The following RBFOX1 variants were observed in gnomAD, a reference collection of about 807,000 sequenced individuals.
The protein encoded by RBFOX1 is RNA binding protein fox-1 homolog 1.
Under a neutral mutation model 57.7 loss-of-function variants are expected in RBFOX1, and 8 were observed. That is an observed-to-expected ratio of 0.14 (90% CI 0.08 to 0.25). RBFOX1 has a LOEUF of 0.25. RBFOX1 is among the 10% of genes least tolerant of loss of function. The pLI is 1.00. For synonymous variants in RBFOX1, 326 were observed against 222.4 expected (o/e 1.47, Z -4.15); for missense variants, 611 against 548.5 (o/e 1.11, Z -1.14).
intron 3 of RBFOX1, among the ~76,000 whole-genome samples, chr16:6,681,318 G>GAA (rs112061600): frequency 2.6e-5 from 4 of 151,222 alleles, no homozygotes; most frequent in Admixed American, 1.3e-4. Flanking sequence ...AGCCTGTCTG[G>GAA]AAAAAAAACA....
chr16:6,770,791 C>G (rs1272753256), intron 3 of RBFOX1, among the ~76,000 whole-genome samples: 1 of 152,116 alleles, frequency 6.6e-6, no homozygotes, highest in East Asian at 1.9e-4. Flanking sequence ...AAGGAAGTTA[C>G]TCTTTATATG....
intron 3 of RBFOX1, among the ~76,000 whole-genome samples, chr16:6,743,081 C>G (rs1269187052): frequency 2.0e-5 from 3 of 152,128 alleles, no homozygotes; most frequent in African/African-American, 4.8e-5. Context: ...AGTGTCTTTA[C>G]AACTGTCTGT....
At chr16:7,210,470 T>G (rs947082627) in intron 4 of RBFOX1, among the ~76,000 whole-genome samples, 8 of 152,118 alleles carry the variant, frequency 5.3e-5, no homozygotes, top group East Asian at 3.9e-4. Flanking sequence ...CTACTTTACT[T>G]AAAGACAATC....
At chr16:7,348,348 C>G (rs935322821) in intron 4 of RBFOX1, among the ~76,000 whole-genome samples, 5 of 152,126 alleles carry the variant, frequency 3.3e-5, no homozygotes, top group Non-Finnish European at 4.4e-5. Context: ...GTAAAACTTG[C>G]AAGCAGCTGG....
chr16:5,993,425 G>A lies in RBFOX1; in HGVS notation c.351+126090G>A, dbSNP rs111798572. 1.1e-3 allele frequency among the ~76,000 whole-genome samples: 164 copies of A among 151,738 alleles called. 1 individual carries two copies. Among genetic ancestry groups the A allele is most frequent in the African/African-American group, 3.9e-3 (163 of 41,354 alleles). Reference sequence around the variant, plus strand: ...AGAGAGAGAGAGAGAGAGAGAAGGAGACAGAGAGAGACAGAGACTTTCAAG... The same window carrying A: ...AGAGAGAGAGAGAGAGAGAGAAGGAAACAGAGAGAGACAGAGACTTTCAAG... On this transcript the variant is annotated intron_variant, in intron 4 of 19. Coordinates refer to the RBFOX1 transcript ENST00000641259.
At chr16:6,115,301 G>T (rs993680405) in intron 1 of RBFOX1, among the ~76,000 whole-genome samples, 67 of 152,292 alleles carry the variant, frequency 4.4e-4, no homozygotes, top group African/African-American at 1.5e-3. Flanking sequence ...GGATTTCACT[G>T]CCCCTTAGAA....
At position 6,398,397 on chromosome 16, in the gene RBFOX1, C is replaced by G. The variant is rs1004375203; in HGVS notation, c.-64+81340C>G. Among the ~76,000 whole-genome samples, 5 of 152,152 alleles carry G rather than the reference C, an allele frequency of 3.3e-5. No individual in the cohort carries two copies. The East Asian group carries it at 7.7e-4, about 24-fold the overall frequency. On this transcript the variant is annotated intron_variant, in intron 2 of 15. Coordinates refer to ENST00000550418, the MANE Select transcript of RBFOX1 (RefSeq NM_018723.4). ...AGTCTTAACTTCTTCCACCATTAAC[C>G]CAAAAGTCCAAGTCAAAAGTCTCAT...
chr16:6,005,940 C>G (rs1245272470), intron 4 of RBFOX1, among the ~76,000 whole-genome samples: 2 of 152,234 alleles, frequency 1.3e-5, no homozygotes, highest in East Asian at 1.9e-4. Context: ...ATGTGTCATT[C>G]TTTGTGGGTG....
intron 4 of RBFOX1, among the ~76,000 whole-genome samples, chr16:5,895,331 TCA>T (rs2058139432): frequency 1.3e-5 from 2 of 152,230 alleles, no homozygotes; most frequent in Non-Finnish European, 1.5e-5. Flanking sequence ...AATGGATGAC[TCA>T]CATGCCCATT....
intron 4 of RBFOX1, among the ~76,000 whole-genome samples, chr16:7,299,647 A>G (rs1430777876): frequency 6.6e-6 from 1 of 152,200 alleles, no homozygotes; most frequent in Non-Finnish European, 1.5e-5. Context: ...TTTTGCCTAG[A>G]GAAACTGTGT....
intron 4 of RBFOX1, among the ~76,000 whole-genome samples, chr16:7,408,694 T>C (rs760040210): frequency 1.7e-4 from 26 of 152,198 alleles, no homozygotes; most frequent in Non-Finnish European, 3.1e-4. Flanking sequence ...ACATGTACTT[T>C]TTTGTTATAG....
At chr16:7,080,409 G>C (rs771390337) in intron 4 of RBFOX1, among the ~76,000 whole-genome samples, 5 of 152,102 alleles carry the variant, frequency 3.3e-5, no homozygotes, top group Admixed American at 2.6e-4. Context: ...TGGCAGAACG[G>C]TCTTCACTAT....
chr16:5,299,776 C>T (rs1296779279), intron 1 of RBFOX1, among the ~76,000 whole-genome samples: 1 of 152,028 alleles, frequency 6.6e-6, no homozygotes, highest in Non-Finnish European at 1.5e-5. Context: ...AATTTTTATG[C>T]ATGTTTCAAT....
chr16:7,377,534 C>A (rs189840875), intron 4 of RBFOX1, among the ~76,000 whole-genome samples: 1 of 152,270 alleles, frequency 6.6e-6, no homozygotes, highest in Non-Finnish European at 1.5e-5. Flanking sequence ...AATTTAAACC[C>A]TTGTGCTCTG....
intron 3 of RBFOX1, among the ~76,000 whole-genome samples, chr16:6,888,269 G>C (rs1205982925): frequency 6.6e-6 from 1 of 152,114 alleles, no homozygotes; most frequent in African/African-American, 2.4e-5. Context: ...ATGCTTTATG[G>C]GTTTGTGTTT....
intron 1 of RBFOX1, among the ~76,000 whole-genome samples, chr16:5,414,937 T>G (rs2067122313): frequency 6.6e-6 from 1 of 152,342 alleles, no homozygotes; most frequent in South Asian, 2.1e-4. Flanking sequence ...TGCCTGTTTT[T>G]TACCCTTGGT....
At chr16:5,939,737 C>G (rs574422694) in intron 4 of RBFOX1, among the ~76,000 whole-genome samples, 2 of 152,246 alleles carry the variant, frequency 1.3e-5, no homozygotes, top group East Asian at 1.9e-4. Context: ...TGGATGTATT[C>G]TAAAACCACC....
At chr16:7,709,679 A>G (rs1368236309) in intron 15 of RBFOX1, 17 of 1,425,020 alleles carry the variant, frequency 1.2e-5, no homozygotes, top group South Asian at 2.7e-5. Flanking sequence ...AGTACATAAG[A>G]AAGTAGAAGG....
intron 2 of RBFOX1, among the ~76,000 whole-genome samples, chr16:6,362,402 T>C (rs2088734133): frequency 6.6e-6 from 1 of 152,156 alleles, no homozygotes; most frequent in South Asian, 2.1e-4. Flanking sequence ...TTTCATAAAA[T>C]TGAATGTACA....
Sources: allele counts gnomAD v4.1 joint callset (sites outside exome capture counted in the v4.1 genomes callset), GRCh38; gene constraint gnomAD v4.1.1; transcripts MANE v1.5; gene names NCBI Gene and HGNC (gene_info 2026-07-23, HGNC 2026-07-21).